PRR11: variants seen among roughly 807,000 people sequenced by gnomAD.
The protein encoded by PRR11 is proline rich 11.
PRR11 carries 30 observed loss-of-function variants against 45.6 expected under a neutral mutation model. The ratio of observed to expected loss-of-function variants is 0.66; its 90% CI spans 0.49 to 0.89. The LOEUF is 0.89. Ranked by LOEUF, PRR11 falls within the 40% of genes least tolerant of loss-of-function variation. The probability of loss-of-function intolerance (pLI) is 0.00; values close to 1 mark genes in which losing one functional copy is unlikely to be tolerated. For missense variants in PRR11, 373 were observed against 424.8 expected (o/e 0.88, Z 1.07); for synonymous variants, 128 against 153.5 (o/e 0.83, Z 1.23).
intron 2 of PRR11, among the ~76,000 whole-genome samples, chr17:59,172,574 T>C (rs1242858137): frequency 1.3e-5 from 2 of 152,196 alleles, no homozygotes; most frequent in African/African-American, 2.4e-5. Context: ...GCATGCCAGC[T>C]TGAGTTCTGG....
chr17:59,171,805 A>G (rs1291053547), intron 2 of PRR11, among the ~76,000 whole-genome samples: 1 of 152,150 alleles, frequency 6.6e-6, no homozygotes, highest in Non-Finnish European at 1.5e-5. Context: ...GTAACTACCA[A>G]TAGCTATAAA....
intron 2 of PRR11, among the ~76,000 whole-genome samples, chr17:59,176,683 G>GTT (rs2046747933): frequency 2.1e-5 from 2 of 93,396 alleles, no homozygotes; most frequent in African/African-American, 9.1e-5. Context: ...GGTTTTTTTG[G>GTT]CTTTTTTTTT....
intron 1 of PRR11, among the ~76,000 whole-genome samples, chr17:59,162,910 A>T (rs2046660882): frequency 1.4e-5 from 2 of 147,140 alleles, no homozygotes; most frequent in Non-Finnish European, 3.0e-5. Context: ...GTATTTTTTT[A>T]GTAGAGATGG....
At chr17:59,194,945 G>T (rs2046858581) in intron 6 of PRR11, 90 bp downstream of exon 6, 1 of 1,041,420 alleles carries the variant, frequency 9.6e-7, no homozygotes, top group East Asian at 2.5e-5. Context: ...AGACCAAGGT[G>T]GGAGGATCAC....
At chr17:59,181,692 C>G (rs1485494646) in intron 2 of PRR11, 5 of 1,550,490 alleles carry the variant, frequency 3.2e-6, no homozygotes, top group Admixed American at 1.7e-5. Flanking sequence ...CCGACCACTC[C>G]CTCTTCCTTT....
intron 1 of PRR11, among the ~76,000 whole-genome samples, chr17:59,164,806 G>A (rs935063247): frequency 6.6e-6 from 1 of 151,672 alleles, no homozygotes; most frequent in Non-Finnish European, 1.5e-5. Context: ...TTCAACCTGG[G>A]AGGAGGAGGC....
intron 1 of PRR11, among the ~76,000 whole-genome samples, chr17:59,156,333 T>C (rs1463086010): frequency 6.6e-6 from 1 of 151,794 alleles, no homozygotes; most frequent in Non-Finnish European, 1.5e-5. Flanking sequence ...GAGTGCCTAA[T>C]ACTGTGCGGG....
rs1260269016 is a variant in PRR11 at position 59,206,428 on chromosome 17, G to T, written c.*4797G>T. Among the ~76,000 whole-genome samples the T allele has an allele frequency of 6.6e-6, 1 of 152,060 alleles. No homozygotes were observed. Among genetic ancestry groups the T allele is most frequent in the South Asian group, 2.1e-4 (1 of 4,826 alleles). On this transcript the variant is annotated 3_prime_UTR_variant, in exon 10 of 10. Coordinates refer to ENST00000262293, the MANE Select transcript of PRR11 (RefSeq NM_018304.4). ...AGGCCAGGCAAAAAAAAAAAGTCCT[G>T]TGGAAATCATATAGACAAACATTTG... is the stretch of plus-strand genomic sequence containing the variant.
intron 9 of PRR11, 129 bp from the exon 10 acceptor site, chr17:59,201,434 G>T: frequency 1.1e-6 from 1 of 878,558 alleles, no homozygotes. Flanking sequence ...AGGGAAACTG[G>T]GAAAAGTGGT....
At chr17:59,182,026 GT>G (rs58846857) in intron 2 of PRR11, among the ~76,000 whole-genome samples, 98,290 of 138,622 alleles carry the variant, frequency 0.71, 34,893 homozygotes, top group African/African-American at 0.85. Context: ...TTTGTTATTG[GT>G]TTTTTTTTTT....
chr17:59,184,272 G>C (rs1908165748), intron 2 of PRR11, among the ~76,000 whole-genome samples: 1 of 152,072 alleles, frequency 6.6e-6, no homozygotes, highest in African/African-American at 2.4e-5. Flanking sequence ...GACCAGCCTG[G>C]CCAACATGGT....
Position 59,193,543 on chromosome 17 carries a change from A to G in PRR11, c.454A>G (p.Ser152Gly), listed in dbSNP as rs1961416729. ...CPSCGQTCHM[S>G]GKLTNVPACV... ...AAGCTGTGGTCAAACATGTCACATG[A>G]GTGGTAAACTTACAAATGTGCCTGC... Residue 152 changes from serine (S) to glycine (G), a missense_variant, in exon 5 of 10, where the codon AGT (serine) becomes GGT (glycine). Ser to Gly is a moderately conservative substitution (Grantham distance 56). Transcript: ENST00000262293. 6 of 1,614,188 alleles carry G rather than the reference A, an allele frequency of 3.7e-6. No individual in the cohort carries two copies. The highest frequency in any genetic ancestry group is 5.1e-6 in the Non-Finnish European group (6 of 1,180,036).
Position 59,203,989 on chromosome 17 carries a change from C to T in PRR11, c.*2358C>T, listed in dbSNP as rs948707086. 2 of 151,226 alleles carry T rather than the reference C, an allele frequency of 1.3e-5. No homozygotes were observed. The highest frequency in any genetic ancestry group is 2.4e-5 in the African/African-American group (1 of 41,062). 9.4% of individuals were successfully genotyped at this position (151,226 alleles called of 1,614,324 possible). A position where few individuals can be genotyped will look rare whatever the true frequency, so the allele number is the denominator to read the frequency against. The stretch of plus-strand genomic sequence containing the variant: ...GAATAAAGCAGTTGAGTATTTATAA[C>T]AATAATATTTTATGGGGCGCTTATA... On this transcript the variant is annotated 3_prime_UTR_variant, in exon 10 of 10. Transcript: ENST00000262293.
chr17:59,181,567 T>TG, intron 2 of PRR11: 3 of 1,280,774 alleles, frequency 2.3e-6, no homozygotes, highest in Non-Finnish European at 3.3e-6. Context: ...CACTAGCCGT[T>TG]GCTTCAGCTT....
intron 7 of PRR11, among the ~76,000 whole-genome samples, chr17:59,196,087 CAAA>C (rs57940331): frequency 9.8e-5 from 7 of 71,338 alleles, no homozygotes; most frequent in Middle Eastern, 8.5e-3. Context: ...GACTCCATCT[CAAA>C]AAAAAAAAAA....
At chr17:59,178,708 TGA>T (rs1177434354) in intron 2 of PRR11, among the ~76,000 whole-genome samples, 1 of 152,146 alleles carries the variant, frequency 6.6e-6, no homozygotes, top group Non-Finnish European at 1.5e-5. Context: ...GCTCCCGCTC[TGA>T]GACTCCCCTG....
chr17:59,175,826 G>A (rs2046741769), intron 2 of PRR11, among the ~76,000 whole-genome samples: 1 of 152,140 alleles, frequency 6.6e-6, no homozygotes, highest in African/African-American at 2.4e-5. Flanking sequence ...GAGGATCACT[G>A]GAGTACAGGA....
intron 4 of PRR11, among the ~76,000 whole-genome samples, chr17:59,191,583 GT>G (rs928351676): frequency 6.6e-6 from 1 of 151,998 alleles, no homozygotes; most frequent in Non-Finnish European, 1.5e-5. Context: ...TCCACCTTTT[GT>G]TTCTCCAGCC....
At chr17:59,158,267 G>C (rs539130582) in intron 1 of PRR11, among the ~76,000 whole-genome samples, 1 of 152,252 alleles carries the variant, frequency 6.6e-6, no homozygotes, top group African/African-American at 2.4e-5. Context: ...AAAAAAGCTG[G>C]AGAATTGTTA....
Sources: gnomAD v4.1 joint callset for allele counts (sites outside exome capture counted in the v4.1 genomes callset) on GRCh38, gnomAD v4.1.1 for gene constraint, MANE v1.5 for transcripts, NCBI Gene and HGNC (gene_info 2026-07-23, HGNC 2026-07-21) for gene names.